The following PTBP2 variants were observed in gnomAD, a reference collection of about 807,000 sequenced individuals.
The protein encoded by PTBP2 is polypyrimidine tract-binding protein 2.
In PTBP2, 13 loss-of-function variants were observed where a neutral mutation model predicts 61.4. That is an observed-to-expected ratio of 0.21 (90% CI 0.14 to 0.34). PTBP2 has a LOEUF of 0.34. Among genes scored for constraint, PTBP2 ranks in the 10% least tolerant of loss-of-function variants. PTBP2 has a pLI of 1.00. For missense variants in PTBP2, 405 were observed against 642.6 expected, an observed-to-expected ratio of 0.63 and a Z score of 4.00; for synonymous variants, 215 against 218.5, an observed-to-expected ratio of 0.98 and a Z score of 0.14.
intron 3 of PTBP2, among the ~76,000 whole-genome samples, chr1:96,759,425 C>T (rs996551824): frequency 2.0e-5 from 3 of 152,190 alleles, no homozygotes; most frequent in Non-Finnish European, 4.4e-5. Flanking sequence ...ATAACTCATG[C>T]ATTAAAGTTG....
At chr1:96,734,892 CCTTTTTTTTT>C (rs1245289424) in intron 2 of PTBP2, among the ~76,000 whole-genome samples, 2 of 145,416 alleles carry the variant, frequency 1.4e-5, no homozygotes, top group Non-Finnish European at 3.0e-5. Context: ...ATAATTGTCT[CCTTTTTTTTT>C]CTTTTTTTTT....
At chr1:96,780,863 A>G (rs779111702) in intron 7 of PTBP2, among the ~76,000 whole-genome samples, 4 of 152,066 alleles carry the variant, frequency 2.6e-5, no homozygotes, top group Non-Finnish European at 4.4e-5. Flanking sequence ...GGAAAGTGCA[A>G]GATACCAACT....
At chr1:96,799,293 G>GTTTTTTTTT (rs1557768004) in intron 8 of PTBP2, among the ~76,000 whole-genome samples, 11 of 88,280 alleles carry the variant, frequency 1.2e-4, no homozygotes, top group African/African-American at 5.9e-4. Flanking sequence ...AATAGATCAA[G>GTTTTTTTTT]CTTTTTTTTT....
At chr1:96,746,075 C>CAA (rs55989143) in intron 2 of PTBP2, among the ~76,000 whole-genome samples, 1 of 149,450 alleles carries the variant, frequency 6.7e-6, no homozygotes, top group Admixed American at 6.6e-5. Flanking sequence ...CAAAAACAAA[C>CAA]AAAAAAAAAC....
chr1:96,810,461 C>A (rs998184768), intron 11 of PTBP2, among the ~76,000 whole-genome samples: 2 of 152,080 alleles, frequency 1.3e-5, no homozygotes, highest in African/African-American at 2.4e-5. Flanking sequence ...CACTTCAGAT[C>A]CTATTGTCAG....
intron 5 of PTBP2, among the ~76,000 whole-genome samples, chr1:96,772,268 GATATTAAAAAGGATA>G (rs1657466134): frequency 6.6e-6 from 1 of 152,058 alleles, no homozygotes; most frequent in East Asian, 1.9e-4. Flanking sequence ...TATTATATAG[GATATTAAAAAGGATA>G]ATAAGCCTCT....
chr1:96,740,354 T>G (rs1465365206), intron 2 of PTBP2, among the ~76,000 whole-genome samples: 2 of 152,134 alleles, frequency 1.3e-5, no homozygotes, highest in African/African-American at 4.8e-5. Flanking sequence ...ACATGACCTT[T>G]TCTTTGTGAG....
At chr1:96,736,560 G>C (rs946218326) in intron 2 of PTBP2, among the ~76,000 whole-genome samples, 1 of 152,140 alleles carries the variant, frequency 6.6e-6, no homozygotes, top group Non-Finnish European at 1.5e-5. Flanking sequence ...ACACATTTCT[G>C]AGCCTTAGTC....
exon 14 of PTBP2, chr1:96,822,723 T>C (rs1229446628): frequency 1.3e-5 from 2 of 152,192 alleles, no homozygotes; most frequent in Non-Finnish European, 2.9e-5. Context: ...AAAAGAATCT[T>C]GTTGAATAAG....
exon 14 of PTBP2, chr1:96,820,592 A>G (rs1297750078): frequency 6.6e-6 from 1 of 152,112 alleles, no homozygotes; most frequent in Non-Finnish European, 1.5e-5. Flanking sequence ...AGCCACGCTC[A>G]TCCATATCTG....
chr1:96,727,036 T>G (rs955763025), intron 2 of PTBP2, among the ~76,000 whole-genome samples: 1 of 152,228 alleles, frequency 6.6e-6, no homozygotes, highest in Non-Finnish European at 1.5e-5. Context: ...TACAGTATCA[T>G]CTTGCGCCTT....
chr1:96,819,327 G>T (rs1662597554), downstream of PTBP2: 1 of 151,968 alleles, frequency 6.6e-6, no homozygotes, highest in South Asian at 2.1e-4. Context: ...CCTGTGCAAA[G>T]TATGCCTTCA....
At chr1:96,759,855 A>C (rs187187086) in intron 3 of PTBP2, among the ~76,000 whole-genome samples, 16 of 152,316 alleles carry the variant, frequency 1.1e-4, no homozygotes, top group Non-Finnish European at 2.9e-5. Flanking sequence ...TTATGAAAGA[A>C]ACCAGTTTAA....
chr1:96,767,385 T>C (rs1656853141), intron 3 of PTBP2, among the ~76,000 whole-genome samples: 1 of 152,150 alleles, frequency 6.6e-6, no homozygotes, highest in Non-Finnish European at 1.5e-5. Flanking sequence ...TCTTTTTTTT[T>C]CCTTGTCTTT....
rs1415218154 is a variant in PTBP2 at position 96,763,601 on chromosome 1, A to G, written c.116-6102A>G. Reference sequence around the variant, plus strand: ...GGGAGAGGGAGACCGTGGGGAGAGGAGGGAGGGGGAGGGGGAGGGGGAGGG... The same window carrying G: ...GGGAGAGGGAGACCGTGGGGAGAGGGGGGAGGGGGAGGGGGAGGGGGAGGG... On this transcript the variant is annotated intron_variant, in intron 3 of 13. Coordinates refer to ENST00000674951, the MANE Select transcript of PTBP2 (RefSeq NM_021190.4). Among the ~76,000 whole-genome samples, 18 of 14,564 alleles carry G rather than the reference A, an allele frequency of 1.2e-3. No individual in the cohort carries two copies. In the South Asian group the frequency reaches 0.013, roughly 11 times the overall value. 9.6% of individuals were successfully genotyped at this position (14,564 alleles called of 152,430 possible).
downstream of PTBP2, chr1:96,816,232 C>T (rs1403831936): frequency 6.6e-6 from 1 of 152,128 alleles, no homozygotes; most frequent in African/African-American, 2.4e-5. Flanking sequence ...CACCAAGTCA[C>T]TAAAGGGGGA....
chr1:96,752,698 G>A (rs532420336), intron 3 of PTBP2, among the ~76,000 whole-genome samples: 2 of 152,126 alleles, frequency 1.3e-5, no homozygotes, highest in Non-Finnish European at 2.9e-5. Context: ...GATCGATAAT[G>A]GGAAATTAAT....
intron 2 of PTBP2, among the ~76,000 whole-genome samples, chr1:96,727,640 A>G (rs1041227819): frequency 4.6e-5 from 7 of 152,150 alleles, no homozygotes; most frequent in Admixed American, 1.3e-4. Context: ...TTCCTCTAAT[A>G]TCTATGATGT....
At chr1:96,795,922 G>C (rs1023478152) in intron 8 of PTBP2, among the ~76,000 whole-genome samples, 6 of 152,138 alleles carry the variant, frequency 3.9e-5, no homozygotes, top group Non-Finnish European at 2.9e-5. Context: ...TAAGGCTGTT[G>C]TGAGGATTAA....
Sources: allele counts gnomAD v4.1 joint callset (sites outside exome capture counted in the v4.1 genomes callset), GRCh38; gene constraint gnomAD v4.1.1; transcripts MANE v1.5; gene names NCBI Gene and HGNC (gene_info 2026-07-23, HGNC 2026-07-21).